Variants in PROCR observed in about 807,000 individuals in gnomAD.
The protein encoded by PROCR is protein C receptor, also known as endothelial protein C receptor.
In PROCR, 22 loss-of-function variants were observed where a neutral mutation model predicts 24.2. That is an observed-to-expected ratio of 0.91 (90% CI 0.65 to 1.30). The LOEUF (loss-of-function observed/expected upper bound fraction) is 1.30, where lower values mean the gene tolerates loss of function less well. PROCR is among the 50% of genes most tolerant of loss of function. The probability of loss-of-function intolerance (pLI) is 0.00; values close to 1 mark genes in which losing one functional copy is unlikely to be tolerated. For synonymous variants in PROCR, 137 were observed against 139.2 expected (o/e 0.98, Z 0.11); for missense variants, 288 against 307.7 (o/e 0.94, Z 0.48).
chr20:35,206,390 A>T, intron 1 of PROCR, among the ~76,000 whole-genome samples: 1 of 147,396 alleles, frequency 6.8e-6, no homozygotes, highest in East Asian at 2.1e-4. Flanking sequence ...CAGGACAATC[A>T]CTTGAACCCG....
chr20:35,183,774 A>G (rs2086099231), intron 1 of PROCR, among the ~76,000 whole-genome samples: 1 of 152,232 alleles, frequency 6.6e-6, no homozygotes, highest in Non-Finnish European at 1.5e-5. Flanking sequence ...AACAGATTCA[A>G]TAATGAAAAT....
At chr20:35,178,507 G>GTT (rs1203789471), downstream of PROCR, among the ~76,000 whole-genome samples, 255 of 34,376 alleles carry the variant, frequency 7.4e-3, 79 homozygotes, top group East Asian at 0.017. Flanking sequence ...TCAAGTCTCA[G>GTT]TTTTTTTTTT....
intron 1 of PROCR, among the ~76,000 whole-genome samples, chr20:35,185,682 G>A (rs995467079): frequency 3.3e-5 from 5 of 152,134 alleles, no homozygotes; most frequent in East Asian, 1.9e-4. Context: ...GGAGCTAAGC[G>A]ATGAGGATGC....
chr20:35,174,866 T>G lies in PROCR; in HGVS notation c.235T>G (p.Trp79Gly), dbSNP rs758409921. 17 of 1,613,506 alleles carry G rather than the reference T, an allele frequency of 1.1e-5. No individual in the cohort carries two copies. Among genetic ancestry groups the G allele is most frequent in the Non-Finnish European group, 1.4e-5 (17 of 1,179,794 alleles). The change falls in exon 2 of 4, where the codon TGG becomes GGG. Residue 79 changes from tryptophan (W) to glycine (G), a missense_variant. Transcript: ENST00000216968. Reference protein sequence around the residue: ...QLQPLQEPESWARTQSGLQSY... With the variant: ...QLQPLQEPESGARTQSGLQSY... ...GCAGCCCTTGCAGGAGCCCGAGAGC[T>G]GGGCGCGCACGCAGAGTGGCCTGCA... is the stretch of plus-strand genomic sequence containing the variant.
chr20:35,179,746 C>A (rs904744283), downstream of PROCR, among the ~76,000 whole-genome samples: 3 of 152,162 alleles, frequency 2.0e-5, no homozygotes, highest in African/African-American at 7.2e-5. Flanking sequence ...TAATGGATAA[C>A]AGAATAACCA....
chr20:35,201,364 A>C (rs530673726), intron 1 of PROCR, among the ~76,000 whole-genome samples: 1 of 152,330 alleles, frequency 6.6e-6, no homozygotes, highest in Non-Finnish European at 1.5e-5. Context: ...ATGGTCTTTA[A>C]AAATGTAAAT....
In PROCR at chr20:35,215,910, C is replaced by T. The variant is rs939035168; in HGVS notation, c.*7C>T. ...CCTTTCAGATCTCTACTAAGAATGT[C>T]ACTCTGGCCGGGCGCAGTGGCTCAC... On this transcript the variant is annotated 3_prime_UTR_variant, in exon 2 of 2. Transcript: ENST00000634509. 4 of 985,018 alleles carry T rather than the reference C, an allele frequency of 4.1e-6. No homozygotes were observed. In the African/African-American group the frequency reaches 7.0e-5, roughly 17 times the overall value. The allele number at this position is 985,018 out of a possible 1,614,324, so 61.0% of individuals were successfully genotyped here.
intron 1 of PROCR, among the ~76,000 whole-genome samples, chr20:35,199,763 AC>A (rs1473156696): frequency 2.6e-5 from 4 of 151,834 alleles, no homozygotes; most frequent in Non-Finnish European, 4.4e-5. Flanking sequence ...AAAAAAAAAA[AC>A]ATTTCATAGG....
At chr20:35,180,213 C>T (rs2086064849), downstream of PROCR, among the ~76,000 whole-genome samples, 1 of 152,162 alleles carries the variant, frequency 6.6e-6, no homozygotes. Flanking sequence ...CGCCACTGCA[C>T]TCCAGCCTGG....
intron 1 of PROCR, among the ~76,000 whole-genome samples, chr20:35,194,242 A>G (rs2086197014): frequency 6.6e-6 from 1 of 152,180 alleles, no homozygotes; most frequent in Non-Finnish European, 1.5e-5. Flanking sequence ...TCTTTTGAGG[A>G]GTTTGGTTTG....
intron 1 of PROCR, among the ~76,000 whole-genome samples, chr20:35,183,153 A>G (rs1379157630): frequency 6.6e-6 from 1 of 152,086 alleles, no homozygotes; most frequent in Non-Finnish European, 1.5e-5. Flanking sequence ...AGATTAGGAG[A>G]CATGTTTAGG....
At chr20:35,197,587 G>T (rs916052054) in intron 1 of PROCR, among the ~76,000 whole-genome samples, 2 of 152,118 alleles carry the variant, frequency 1.3e-5, no homozygotes, top group Non-Finnish European at 2.9e-5. Flanking sequence ...ACTTTGGGAG[G>T]CCGAGGTGGG....
At chr20:35,199,596 G>A (rs1323130739) in intron 1 of PROCR, among the ~76,000 whole-genome samples, 1 of 151,990 alleles carries the variant, frequency 6.6e-6, no homozygotes. Context: ...TAAAAATGCA[G>A]AAATTGGCCG....
intron 1 of PROCR, among the ~76,000 whole-genome samples, chr20:35,206,486 A>AC (rs2060343236): frequency 2.0e-5 from 3 of 151,374 alleles, no homozygotes; most frequent in Admixed American, 1.3e-4. Context: ...AAAAAAAAAA[A>AC]AAAAAAAAAA....
In PROCR at chr20:35,176,229, T is replaced by C. The variant is rs1414479479; in HGVS notation, c.384T>C (p.His128=). 3.7e-6 allele frequency: 6 copies of C among 1,614,182 alleles called. No individual in the cohort carries two copies. Among genetic ancestry groups the C allele is most frequent in the East Asian group, 2.2e-5 (1 of 44,866 alleles). ...CELPPEGSRA[H]VFFEVAVNGS... ...TGCCTCCCGAGGGCTCTAGAGCCCA[T>C]GTCTTCTTCGAAGTGGCTGTGAATG... The change falls in exon 3 of 4, where the codon CAT becomes CAC. Residue 128 remains histidine (H), a synonymous_variant. Coordinates refer to ENST00000216968, the MANE Select transcript of PROCR (RefSeq NM_006404.5).
intron 1 of PROCR, among the ~76,000 whole-genome samples, chr20:35,205,312 C>A (rs2060333893): frequency 6.7e-6 from 1 of 150,150 alleles, no homozygotes. Context: ...CATAATTCAC[C>A]ATATTGGCAG....
intron 1 of PROCR, among the ~76,000 whole-genome samples, chr20:35,189,248 G>C (rs1439558397): frequency 7.6e-6 from 1 of 131,426 alleles, no homozygotes; most frequent in Non-Finnish European, 1.6e-5. Flanking sequence ...TAACAGCCCT[G>C]GGAAAAGAAC....
At chr20:35,183,769 A>G (rs1270488342) in intron 1 of PROCR, among the ~76,000 whole-genome samples, 2 of 152,214 alleles carry the variant, frequency 1.3e-5, no homozygotes, top group Non-Finnish European at 2.9e-5. Context: ...GACAGAACAG[A>G]TTCAATAATG....
In PROCR at chr20:35,182,605, G is replaced by T. The variant is rs568673280; in HGVS notation, c.94+6159G>T. Among the ~76,000 whole-genome samples, 7 of 152,124 alleles carry T rather than the reference G, an allele frequency of 4.6e-5. No individual in the cohort carries two copies. The South Asian group carries it at 1.5e-3, about 32-fold the overall frequency. On this transcript the variant is annotated intron_variant, in intron 1 of 1. Coordinates refer to the PROCR transcript ENST00000634509. ...TCTCAAGGAGCCCAGTCTTTTCTTG[G>T]GAAGATAAAACATACAAAAGAGAAC...
Sources: gnomAD v4.1 joint callset for allele counts (sites outside exome capture counted in the v4.1 genomes callset) on GRCh38, gnomAD v4.1.1 for gene constraint, MANE v1.5 for transcripts, NCBI Gene and HGNC (gene_info 2026-07-23, HGNC 2026-07-21) for gene names.